Variants in SCD5 observed in about 807,000 individuals in gnomAD.
The protein encoded by SCD5 is acyl-CoA-desaturase 4.
Under a neutral mutation model 30.4 loss-of-function variants are expected in SCD5, and 20 were observed. That is an observed-to-expected ratio of 0.66 (90% CI 0.46 to 0.96). The LOEUF is 0.96. Among genes scored for constraint, SCD5 ranks in the 40% least tolerant of loss-of-function variants. The pLI, the probability that SCD5 is intolerant of heterozygous loss-of-function variation, is 0.00. For missense variants in SCD5, 381 were observed against 443.3 expected (o/e 0.86, Z 1.26); for synonymous variants, 173 against 176.4 (o/e 0.98, Z 0.16).
At chr4:82,665,690 T>C (rs950201644) in intron 3 of SCD5, among the ~76,000 whole-genome samples, 1 of 151,960 alleles carries the variant, frequency 6.6e-6, no homozygotes, top group Non-Finnish European at 1.5e-5. Flanking sequence ...ACAAGAAATA[T>C]AAAGGAAGTT....
At chr4:82,660,512 A>C in intron 3 of SCD5, 1 of 1,099,452 alleles carries the variant, frequency 9.1e-7, no homozygotes, top group South Asian at 2.5e-5. Flanking sequence ...AGAGTGCTGT[A>C]TGTGTAGTTA....
chr4:82,678,443 G>A (rs940111426), intron 3 of SCD5, among the ~76,000 whole-genome samples: 2 of 151,968 alleles, frequency 1.3e-5, no homozygotes, highest in South Asian at 2.1e-4. Flanking sequence ...TATTATACCC[G>A]GCTCATTTCT....
At chr4:82,779,666 G>A (rs751273114) in intron 1 of SCD5, among the ~76,000 whole-genome samples, 2 of 152,118 alleles carry the variant, frequency 1.3e-5, no homozygotes, top group Non-Finnish European at 2.9e-5. Context: ...AAACCCTGAC[G>A]GCCCCTTAAC....
chr4:82,755,547 G>A (rs999740604), intron 1 of SCD5, among the ~76,000 whole-genome samples: 5 of 151,808 alleles, frequency 3.3e-5, no homozygotes, highest in African/African-American at 4.8e-5. Flanking sequence ...GTGGGGAGAG[G>A]GAATGTTAAA....
At chr4:82,657,761 C>T (rs565491198) in intron 3 of SCD5, among the ~76,000 whole-genome samples, 1 of 152,222 alleles carries the variant, frequency 6.6e-6, no homozygotes, top group Non-Finnish European at 1.5e-5. Flanking sequence ...TGTTTGTATC[C>T]TCTCTTATTT....
At chr4:82,791,576 GAAGGCT>G (rs991950977) in intron 1 of SCD5, among the ~76,000 whole-genome samples, 6 of 152,168 alleles carry the variant, frequency 3.9e-5, no homozygotes, top group Admixed American at 3.9e-4. Flanking sequence ...GATGGAAAAG[GAAGGCT>G]AACATTTACT....
chr4:82,704,508 T>G (rs140930882), intron 2 of SCD5, among the ~76,000 whole-genome samples: 1 of 152,214 alleles, frequency 6.6e-6, no homozygotes, highest in Admixed American at 6.5e-5. Flanking sequence ...GGTCTAGGAC[T>G]GGGATAGTCT....
At chr4:82,680,330 G>C (rs1728540813) in intron 3 of SCD5, among the ~76,000 whole-genome samples, 1 of 152,178 alleles carries the variant, frequency 6.6e-6, no homozygotes, top group African/African-American at 2.4e-5. Context: ...TCCTTTTGGA[G>C]TCAAGTAGAG....
At chr4:82,755,689 T>G (rs1251615133) in intron 1 of SCD5, among the ~76,000 whole-genome samples, 1 of 152,226 alleles carries the variant, frequency 6.6e-6, no homozygotes, top group Non-Finnish European at 1.5e-5. Context: ...TTTTTCAAAA[T>G]ACGTCTAGTC....
At chr4:82,719,955 C>A (rs1401102629) in intron 1 of SCD5, among the ~76,000 whole-genome samples, 1 of 151,696 alleles carries the variant, frequency 6.6e-6, no homozygotes, top group Non-Finnish European at 1.5e-5. Flanking sequence ...GCGCACACCA[C>A]CACGCCCAGC....
chr4:82,720,923 G>A (rs1377815793), intron 1 of SCD5, among the ~76,000 whole-genome samples: 1 of 152,190 alleles, frequency 6.6e-6, no homozygotes, highest in African/African-American at 2.4e-5. Context: ...ACGCCGAGGT[G>A]AGGGGATCTC....
At chr4:82,713,679 C>T in intron 1 of SCD5, among the ~76,000 whole-genome samples, 1 of 152,222 alleles carries the variant, frequency 6.6e-6, no homozygotes, top group East Asian at 1.9e-4. Flanking sequence ...ATCTGTGCAA[C>T]TAACTCAACC....
chr4:82,794,845 G>A (rs1413025720), intron 1 of SCD5, among the ~76,000 whole-genome samples: 1 of 151,998 alleles, frequency 6.6e-6, no homozygotes. Flanking sequence ...TAGAGATGGG[G>A]TTTCACCGTG....
intron 1 of SCD5, among the ~76,000 whole-genome samples, chr4:82,722,765 CAA>C (rs879522323): frequency 7.1e-6 from 1 of 140,992 alleles, no homozygotes; most frequent in Non-Finnish European, 1.5e-5. Context: ...AACTCCATCT[CAA>C]AAAAAAAAAA....
chr4:82,727,376 T>C (rs1358056), intron 1 of SCD5, among the ~76,000 whole-genome samples: 53,758 of 151,986 alleles, frequency 0.35, 9,658 homozygotes, highest in Middle Eastern at 0.39. Flanking sequence ...TTAAACATAT[T>C]TCAAACATTC....
At chr4:82,728,084 A>T (rs903442263) in intron 1 of SCD5, among the ~76,000 whole-genome samples, 1 of 152,156 alleles carries the variant, frequency 6.6e-6, no homozygotes, top group African/African-American at 2.4e-5. Context: ...AAGTTAGTCT[A>T]TAGGTTAGCC....
At chr4:82,795,938 A>ATT (rs1158973676) in intron 1 of SCD5, among the ~76,000 whole-genome samples, 1 of 141,842 alleles carries the variant, frequency 7.1e-6, no homozygotes, top group African/African-American at 2.6e-5. Flanking sequence ...ATTGTCTGCT[A>ATT]TTTTTTTTTT....
At chr4:82,692,760 G>C (rs1159166129) in intron 2 of SCD5, among the ~76,000 whole-genome samples, 3 of 152,214 alleles carry the variant, frequency 2.0e-5, no homozygotes. Flanking sequence ...CTGAACCTGA[G>C]ATGTGTTCAT....
intron 3 of SCD5, among the ~76,000 whole-genome samples, chr4:82,656,554 T>TA (rs1578007872): frequency 6.6e-6 from 1 of 152,230 alleles, no homozygotes; most frequent in Admixed American, 6.5e-5. Flanking sequence ...AGTGCTGCAA[T>TA]AAACATACAT....
Sources: gnomAD v4.1 joint callset for allele counts (sites outside exome capture counted in the v4.1 genomes callset) on GRCh38, gnomAD v4.1.1 for gene constraint, MANE v1.5 for transcripts, NCBI Gene and HGNC (gene_info 2026-07-23, HGNC 2026-07-21) for gene names.